Variants in LDHAL6A observed in about 807,000 individuals in gnomAD.
LDHAL6A encodes the protein L-lactate dehydrogenase A-like 6A.
A neutral mutation model predicts 28.2 loss-of-function variants in LDHAL6A; 19 were observed. That is an observed-to-expected ratio of 0.67 (90% CI 0.47 to 0.99). The LOEUF is 0.99. LDHAL6A is among the 50% of genes least tolerant of loss of function. The pLI is 0.00. For missense variants in LDHAL6A, 372 were observed against 398.6 expected (o/e 0.93, Z 0.57); for synonymous variants, 144 against 134.4 (o/e 1.07, Z -0.49).
intron 3 of LDHAL6A, among the ~76,000 whole-genome samples, chr11:18,471,995 C>A (rs1197283869): frequency 6.6e-6 from 1 of 151,682 alleles, no homozygotes; most frequent in Admixed American, 6.6e-5. Context: ...AGGAAGATAA[C>A]CTAAACAATT....
chr11:18,466,100 C>A (rs1849064499), intron 3 of LDHAL6A, among the ~76,000 whole-genome samples: 1 of 152,180 alleles, frequency 6.6e-6, no homozygotes, highest in South Asian at 2.1e-4. Context: ...CATTAATTAG[C>A]TTGGAATAAT....
chr11:18,467,914 T>C lies in LDHAL6A; in HGVS notation c.418+2104T>C, dbSNP rs1408677603. On this transcript the variant is annotated intron_variant, in intron 3 of 6. Coordinates refer to ENST00000280706, the MANE Select transcript of LDHAL6A (RefSeq NM_144972.5). ...ATATATATATATATATATATATATA[T>C]ATATACACACACATATATATATACA... is the stretch of plus-strand genomic sequence containing the variant. Among the ~76,000 whole-genome samples, 79 of 63,896 alleles carry C rather than the reference T, an allele frequency of 1.2e-3. 8 individuals are homozygous for C. Among genetic ancestry groups the C allele is most frequent in the Non-Finnish European group, 1.6e-3 (60 of 37,624 alleles). The allele number at this position is 63,896 out of a possible 152,430, so 41.9% of individuals were successfully genotyped here. A position where few individuals can be genotyped will look rare whatever the true frequency, so the allele number is the denominator to read the frequency against.
At chr11:18,471,210 G>GTTT (rs71313425) in intron 3 of LDHAL6A, among the ~76,000 whole-genome samples, 30 of 138,898 alleles carry the variant, frequency 2.2e-4, no homozygotes, top group Non-Finnish European at 3.0e-4. Context: ...AACTTTAGAA[G>GTTT]TTTTTTTTTT....
intron 2 of LDHAL6A, 28 bp downstream of exon 2, chr11:18,464,106 T>C (rs1304348266): frequency 7.5e-7 from 1 of 1,339,300 alleles, no homozygotes; most frequent in Non-Finnish European, 1.1e-6. Flanking sequence ...ATACTATAAA[T>C]ATTCTAATAT....
intron 1 of LDHAL6A, among the ~76,000 whole-genome samples, chr11:18,457,485 T>G (rs919932601): frequency 6.6e-6 from 1 of 152,172 alleles, no homozygotes; most frequent in Non-Finnish European, 1.5e-5. Context: ...TAACCTTTAA[T>G]CCTGGCATGA....
Position 18,456,367 on chromosome 11 carries a change from C to T in LDHAL6A, c.-314C>T, listed in dbSNP as rs554117131. 10 of 265,200 alleles carry T rather than the reference C, an allele frequency of 3.8e-5. No homozygotes were observed. Among genetic ancestry groups the T allele is most frequent in the Admixed American group, 1.2e-4 (2 of 17,330 alleles). 16.4% of individuals were successfully genotyped at this position (265,200 alleles called of 1,614,324 possible). The stretch of plus-strand genomic sequence containing the variant: ...GCTGCGGGACGGAGTGCCGTCCCAG[C>T]TGTAGTTTCATGTTTGGTGGAGCAA... On this transcript the variant is annotated 5_prime_UTR_variant, in exon 1 of 7. Coordinates refer to ENST00000280706, the MANE Select transcript of LDHAL6A (RefSeq NM_144972.5).
chr11:18,468,015 A>G (rs184128546), intron 3 of LDHAL6A, among the ~76,000 whole-genome samples: 845 of 62,866 alleles, frequency 0.013, 53 homozygotes, highest in African/African-American at 0.041. Flanking sequence ...ATATATATAC[A>G]TATATATACG....
At chr11:18,478,651 C>G (rs1326913131) in intron 6 of LDHAL6A, 55 bp from the exon 7 acceptor site, 2 of 1,380,612 alleles carry the variant, frequency 1.4e-6, no homozygotes, top group Admixed American at 1.8e-5. Flanking sequence ...ACTGTTGTTT[C>G]TCATATTGCA....
intron 2 of LDHAL6A, among the ~76,000 whole-genome samples, chr11:18,464,715 C>CCA (rs2133869756): frequency 8.1e-6 from 1 of 123,152 alleles, no homozygotes; most frequent in Admixed American, 8.2e-5. Context: ...AACTCTGTCT[C>CCA]AAAAAAAAAA....
At chr11:18,468,904 G>C in intron 3 of LDHAL6A, 1 of 303,134 alleles carries the variant, frequency 3.3e-6, no homozygotes, top group Non-Finnish European at 6.0e-6. Flanking sequence ...GCTTCATACA[G>C]GCTATTGGTA....
At chr11:18,460,726 C>CCA (rs1848876929) in intron 1 of LDHAL6A, among the ~76,000 whole-genome samples, 1 of 152,072 alleles carries the variant, frequency 6.6e-6, no homozygotes. Flanking sequence ...TGCCACTGTA[C>CCA]TCCAGCTTGG....
At chr11:18,469,314 C>A in intron 3 of LDHAL6A, 1 of 471,280 alleles carries the variant, frequency 2.1e-6, no homozygotes, top group Non-Finnish European at 3.8e-6. Context: ...CAAAGTACCG[C>A]GTCATTAAGG....
At chr11:18,459,327 C>T (rs1448040623) in intron 1 of LDHAL6A, among the ~76,000 whole-genome samples, 4 of 152,124 alleles carry the variant, frequency 2.6e-5, no homozygotes, top group Non-Finnish European at 4.4e-5. Flanking sequence ...TGCTTCCTGC[C>T]CTCAAACATC....
chr11:18,460,867 C>T (rs1214111689), intron 1 of LDHAL6A, among the ~76,000 whole-genome samples: 4 of 152,156 alleles, frequency 2.6e-5, no homozygotes, highest in African/African-American at 9.7e-5. Flanking sequence ...GAGGGAGTCT[C>T]ACTCTGTTGC....
rs1215204362 is a variant in LDHAL6A, at chr11:18,456,354, A to G, written c.-327A>G. The G allele has an allele frequency of 4.0e-6, 1 of 248,040 alleles. No homozygotes were observed. The highest frequency in any genetic ancestry group is 7.8e-6 in the Non-Finnish European group (1 of 128,830). The allele number at this position is 248,040 out of a possible 1,614,324, so 15.4% of individuals were successfully genotyped here. ...GAAAAGGGGGTCAGCTGCGGGACGGAGTGCCGTCCCAGCTGTAGTTTCATG... is the reference window on the plus strand; with the variant it reads ...GAAAAGGGGGTCAGCTGCGGGACGGGGTGCCGTCCCAGCTGTAGTTTCATG... On this transcript the variant is annotated 5_prime_UTR_variant, in exon 1 of 7. Coordinates refer to ENST00000280706, the MANE Select transcript of LDHAL6A (RefSeq NM_144972.5).
Position 18,463,991 on chromosome 11 carries a change from G to A in LDHAL6A, c.157G>A (p.Val53Ile). 6.2e-7 allele frequency: 1 copy of A among 1,613,872 alleles called. No homozygotes were observed. Among genetic ancestry groups the A allele is most frequent in the Non-Finnish European group, 8.5e-7 (1 of 1,179,806 alleles). Residue 53 changes from valine (V) to isoleucine (I), a missense_variant, in exon 2 of 7, where the codon GTT becomes ATT. Physicochemically the swap from Val to Ile is conservative, Grantham distance 29. Around this residue, in one of 3 missense-constraint regions of LDHAL6A, gnomAD observed 77 missense variants for 77.9 expected, o/e 0.99. Transcript: ENST00000280706. Reference sequence around the variant, plus strand: ...GAGTGATGAACTTGTCCTTGTGGATGTTGATGAAGGCAAACTGAAGGGTGA... The same window carrying A: ...GAGTGATGAACTTGTCCTTGTGGATATTGATGAAGGCAAACTGAAGGGTGA... ...GLSDELVLVDVDEGKLKGETM... is the reference protein window; with the variant it reads ...GLSDELVLVDIDEGKLKGETM...
chr11:18,457,882 G>A (rs1384448877), intron 1 of LDHAL6A, among the ~76,000 whole-genome samples: 1 of 151,990 alleles, frequency 6.6e-6, no homozygotes, highest in East Asian at 1.9e-4. Context: ...ATGTTTGTAT[G>A]CATTATCCAA....
At chr11:18,471,402 G>A (rs1849254850) in intron 3 of LDHAL6A, among the ~76,000 whole-genome samples, 1 of 151,644 alleles carries the variant, frequency 6.6e-6, no homozygotes, top group African/African-American at 2.4e-5. Context: ...TAGAGCTGGA[G>A]TTTTGCCATG....
At chr11:18,469,522 T>C (rs1361903487) in intron 3 of LDHAL6A, among the ~76,000 whole-genome samples, 1 of 152,214 alleles carries the variant, frequency 6.6e-6, no homozygotes, top group African/African-American at 2.4e-5. Flanking sequence ...GAGGATACTC[T>C]TTCTACATTT....
Sources: gnomAD v4.1 joint callset for allele counts (sites outside exome capture counted in the v4.1 genomes callset) on GRCh38, gnomAD v4.1.1 for gene constraint, gnomAD v4.1.1 regional missense constraint, MANE v1.5 for transcripts, NCBI Gene and HGNC (gene_info 2026-07-23, HGNC 2026-07-21) for gene names.